The following FMN2 variants were observed in gnomAD, a reference collection of about 807,000 sequenced individuals.
FMN2 encodes the protein formin 2, also known as formin-2.
Under a neutral mutation model 142.3 loss-of-function variants are expected in FMN2, and 51 were observed. The observed-to-expected ratio is 0.36, with a 90% CI of 0.29 to 0.45. FMN2 has a LOEUF of 0.45. Among genes scored for constraint, FMN2 ranks in the 20% least tolerant of loss-of-function variants. The pLI, the probability that FMN2 is intolerant of heterozygous loss-of-function variation, is 1.00. For missense variants in FMN2, 1,936 were observed against 2,122.8 expected (o/e 0.91, Z 1.73); for synonymous variants, 882 against 869.8 (o/e 1.01, Z -0.25).
chr1:240,226,142 G>A (rs1353893476), intron 6 of FMN2, among the ~76,000 whole-genome samples: 1 of 152,116 alleles, frequency 6.6e-6, no homozygotes, highest in African/African-American at 2.4e-5. Flanking sequence ...AATGTATGTG[G>A]CTGAAAACTT....
chr1:240,218,053 G>A (rs1046904801), intron 6 of FMN2, among the ~76,000 whole-genome samples: 1 of 152,028 alleles, frequency 6.6e-6, no homozygotes, highest in Non-Finnish European at 1.5e-5. Flanking sequence ...GGGAGGCCTA[G>A]GTGGGCGGAT....
At chr1:240,429,974 C>T (rs1675089990) in intron 15 of FMN2, among the ~76,000 whole-genome samples, 1 of 151,696 alleles carries the variant, frequency 6.6e-6, no homozygotes, top group African/African-American at 2.4e-5. Flanking sequence ...CAAGCTCTGC[C>T]TCCCGGGTCC....
At chr1:240,205,313 G>A (rs930710471) in intron 4 of FMN2, among the ~76,000 whole-genome samples, 1 of 152,098 alleles carries the variant, frequency 6.6e-6, no homozygotes, top group African/African-American at 2.4e-5. Context: ...ATTAAAGTAC[G>A]ATTGACACTG....
chr1:240,227,715 C>G (rs577779529), intron 6 of FMN2, among the ~76,000 whole-genome samples: 2 of 152,116 alleles, frequency 1.3e-5, no homozygotes, highest in African/African-American at 2.4e-5. Context: ...GTCTTTTCAA[C>G]AAATGGTGTT....
At chr1:240,215,294 C>T (rs1260492628) in intron 6 of FMN2, among the ~76,000 whole-genome samples, 2 of 152,126 alleles carry the variant, frequency 1.3e-5, no homozygotes, top group East Asian at 1.9e-4. Context: ...TACCATGTAC[C>T]AGTTACTGTT....
At chr1:240,245,715 A>G (rs1668058585) in intron 6 of FMN2, 2 of 430,656 alleles carry the variant, frequency 4.6e-6, no homozygotes, top group East Asian at 1.4e-4. Context: ...TATCTTTCTC[A>G]TGGAGAAATC....
rs559286059 is a variant in FMN2 at position 240,218,156 on chromosome 1, G to A, written c.4065+6921G>A. Among the ~76,000 whole-genome samples the A allele has an allele frequency of 3.9e-5, 6 of 151,968 alleles. No homozygotes were observed. In the South Asian group the frequency reaches 6.2e-4, roughly 16 times the overall value. ...AAATTAGCTGGGCGTGATGGCATGC[G>A]CCTGTAGTCCCAGATACTCAGGAGG... On this transcript the variant is annotated intron_variant, in intron 6 of 17. Transcript: ENST00000319653.
At chr1:240,457,672 T>A (rs544816422) in intron 16 of FMN2, 1 of 152,258 alleles carries the variant, frequency 6.6e-6, no homozygotes, top group African/African-American at 2.4e-5. Context: ...GATGAGGGAA[T>A]AAGCTAATGG....
At chr1:240,154,864 C>G (rs957901637) in intron 2 of FMN2, 1 of 126,404 alleles carries the variant, frequency 7.9e-6, no homozygotes, top group Non-Finnish European at 1.6e-5. Flanking sequence ...CTCCCTCTTT[C>G]TTTCTTCCCT....
chr1:240,461,578 G>C (rs1008919382), intron 16 of FMN2, among the ~76,000 whole-genome samples: 1 of 152,164 alleles, frequency 6.6e-6, no homozygotes, highest in Non-Finnish European at 1.5e-5. Context: ...TACATTGCAA[G>C]TCATCTATTC....
At chr1:240,143,208 A>G (rs1166327086) in intron 2 of FMN2, 1 of 1,590,858 alleles carries the variant, frequency 6.3e-7, no homozygotes, top group Non-Finnish European at 8.6e-7. Flanking sequence ...CACCATGCCC[A>G]TGGCAAAAAT....
intron 17 of FMN2, 22 bp downstream of exon 17, chr1:240,472,475 C>G (rs1194393118): frequency 6.6e-7 from 1 of 1,507,142 alleles, no homozygotes; most frequent in Non-Finnish European, 9.1e-7. Flanking sequence ...TGATTTTTAA[C>G]TTGTTATTTT....
intron 7 of FMN2, among the ~76,000 whole-genome samples, chr1:240,288,330 C>G (rs34258580): frequency 0.14 from 20,691 of 152,130 alleles, 1,519 homozygotes; most frequent in African/African-American, 0.19. Flanking sequence ...TAGGTTATGC[C>G]TAAACCAGAA....
At chr1:240,387,738 G>A (rs944779564) in intron 14 of FMN2, among the ~76,000 whole-genome samples, 65 of 152,256 alleles carry the variant, frequency 4.3e-4, no homozygotes, top group African/African-American at 1.6e-3. Flanking sequence ...AAGGAAATAT[G>A]TGAGATTCCT....
At chr1:240,125,454 T>C (rs1225380847) in intron 2 of FMN2, among the ~76,000 whole-genome samples, 1 of 152,234 alleles carries the variant, frequency 6.6e-6, no homozygotes, top group Non-Finnish European at 1.5e-5. Context: ...GTCTGTGTTA[T>C]TGTAGAGGCA....
intron 6 of FMN2, among the ~76,000 whole-genome samples, chr1:240,244,413 T>G (rs1390767168): frequency 1.3e-5 from 2 of 152,242 alleles, no homozygotes; most frequent in African/African-American, 4.8e-5. Context: ...TGATGTCATC[T>G]TAATTAGCTA....
chr1:240,418,417 G>GA (rs1558480938), intron 15 of FMN2, among the ~76,000 whole-genome samples: 1 of 151,644 alleles, frequency 6.6e-6, no homozygotes, highest in Non-Finnish European at 1.5e-5. Flanking sequence ...GGCTGGTCTC[G>GA]AACTCCTGAC....
At chr1:240,276,292 G>C (rs1242389048) in intron 7 of FMN2, among the ~76,000 whole-genome samples, 1 of 152,168 alleles carries the variant, frequency 6.6e-6, no homozygotes, top group African/African-American at 2.4e-5. Context: ...AAGGGTTGAG[G>C]TCTTGTCATT....
intron 2 of FMN2, among the ~76,000 whole-genome samples, chr1:240,146,949 G>C (rs960354991): frequency 3.6e-5 from 5 of 138,052 alleles, no homozygotes; most frequent in African/African-American, 1.2e-4. Context: ...AATGGTGGAT[G>C]ATGTTCTCCT....
Sources: gnomAD v4.1 joint callset for allele counts (sites outside exome capture counted in the v4.1 genomes callset) on GRCh38, gnomAD v4.1.1 for gene constraint, MANE v1.5 for transcripts, NCBI Gene and HGNC (gene_info 2026-07-23, HGNC 2026-07-21) for gene names.